LRRC7: variants seen among roughly 807,000 people sequenced by gnomAD.
LRRC7 encodes the protein leucine rich repeat containing 7.
A neutral mutation model predicts 175.7 loss-of-function variants in LRRC7; 23 were observed. That is an observed-to-expected ratio of 0.13 (90% CI 0.09 to 0.19). The LOEUF (loss-of-function observed/expected upper bound fraction) is 0.19. LRRC7 is among the 10% of genes least tolerant of loss of function. LRRC7 has a pLI of 1.00. For missense variants in LRRC7, 1,354 were observed against 1,904.7 expected, an observed-to-expected ratio of 0.71 and a Z score of 5.38; for synonymous variants, 685 against 680.9, an observed-to-expected ratio of 1.01 and a Z score of -0.09.
At chr1:69,608,730 T>G (rs932245329) in intron 1 of LRRC7, among the ~76,000 whole-genome samples, 1 of 151,120 alleles carries the variant, frequency 6.6e-6, no homozygotes, top group African/African-American at 2.4e-5. Context: ...AACTCTGACC[T>G]TAAAAATCCT....
At chr1:69,919,082 A>G (rs1156769074) in intron 7 of LRRC7, among the ~76,000 whole-genome samples, 1 of 152,158 alleles carries the variant, frequency 6.6e-6, no homozygotes, top group African/African-American at 2.4e-5. Context: ...TCAAATTTAA[A>G]CTACACTAAT....
intron 3 of LRRC7, among the ~76,000 whole-genome samples, chr1:69,786,578 G>A (rs777000092): frequency 5.9e-5 from 9 of 152,090 alleles, no homozygotes; most frequent in East Asian, 1.9e-4. Flanking sequence ...ATGGTTCTAC[G>A]TGGCTGGGGA....
intron 11 of LRRC7, among the ~76,000 whole-genome samples, chr1:70,000,799 T>G (rs2101927234): frequency 6.6e-6 from 1 of 152,340 alleles, no homozygotes; most frequent in South Asian, 2.1e-4. Context: ...CCAGTAGGTC[T>G]GGGACCTGAA....
intron 8 of LRRC7, among the ~76,000 whole-genome samples, chr1:69,950,306 G>A (rs1649786807): frequency 6.6e-6 from 1 of 151,922 alleles, no homozygotes; most frequent in South Asian, 2.1e-4. Context: ...AGAGGTCCAG[G>A]GTAAAGAAAT....
At chr1:69,759,483 G>A (rs1670801129) in intron 2 of LRRC7, among the ~76,000 whole-genome samples, 2 of 152,006 alleles carry the variant, frequency 1.3e-5, no homozygotes, top group South Asian at 4.1e-4. Context: ...TGTCAGGAGT[G>A]TCACAGGAAT....
chr1:69,899,352 T>C (rs1270425127), intron 7 of LRRC7, among the ~76,000 whole-genome samples: 1 of 152,180 alleles, frequency 6.6e-6, no homozygotes, highest in Non-Finnish European at 1.5e-5. Flanking sequence ...TCAGAGATGC[T>C]CTTACCTTTC....
chr1:69,588,553 T>C (rs1209987896), intron 1 of LRRC7, among the ~76,000 whole-genome samples: 1 of 152,136 alleles, frequency 6.6e-6, no homozygotes, highest in Admixed American at 6.5e-5. Flanking sequence ...AGCTTTGACA[T>C]TGTAAAACCT....
At chr1:69,726,749 G>A (rs1667023737) in intron 2 of LRRC7, among the ~76,000 whole-genome samples, 1 of 151,780 alleles carries the variant, frequency 6.6e-6, no homozygotes, top group Non-Finnish European at 1.5e-5. Context: ...AAATGTAAGA[G>A]GGCCAGAGTC....
chr1:69,942,017 T>C (rs965762387), intron 8 of LRRC7, among the ~76,000 whole-genome samples: 2 of 152,098 alleles, frequency 1.3e-5, no homozygotes, highest in African/African-American at 4.8e-5. Context: ...ACCTTCTTTT[T>C]CCTCCACCAC....
chr1:69,936,474 T>G (rs572022941), intron 8 of LRRC7, among the ~76,000 whole-genome samples: 2 of 152,328 alleles, frequency 1.3e-5, no homozygotes, highest in East Asian at 3.9e-4. Flanking sequence ...TTAATTAATT[T>G]GTTCCTAAGT....
intron 1 of LRRC7, among the ~76,000 whole-genome samples, chr1:69,595,417 AAAAC>A (rs1318233582): frequency 6.6e-6 from 1 of 152,152 alleles, no homozygotes; most frequent in Admixed American, 6.6e-5. Flanking sequence ...TCCATCTCAA[AAAAC>A]AAACAAAAAA....
chr1:69,671,183 C>T (rs546722778), intron 1 of LRRC7, among the ~76,000 whole-genome samples: 1 of 152,196 alleles, frequency 6.6e-6, no homozygotes, highest in Non-Finnish European at 1.5e-5. Context: ...CTGGGTATCA[C>T]TATTGGTTAT....
chr1:69,649,336 C>T (rs1655445161), intron 1 of LRRC7, among the ~76,000 whole-genome samples: 1 of 151,740 alleles, frequency 6.6e-6, no homozygotes, highest in Non-Finnish European at 1.5e-5. Flanking sequence ...TATTTTTTTC[C>T]CTCAATTTTG....
intron 8 of LRRC7, among the ~76,000 whole-genome samples, chr1:69,952,940 A>G (rs1057506093): frequency 2.0e-5 from 3 of 150,934 alleles, no homozygotes; most frequent in Non-Finnish European, 4.4e-5. Context: ...GGGCTTATAA[A>G]GAAATGTGAA....
At chr1:69,882,625 T>A (rs79806761) in intron 7 of LRRC7, among the ~76,000 whole-genome samples, 6 of 151,296 alleles carry the variant, frequency 4.0e-5, no homozygotes, top group Non-Finnish European at 7.4e-5. Context: ...TTTTTTTTTT[T>A]AATTATACTT....
rs192942637 is a variant in LRRC7 at position 69,618,254 on chromosome 1, C to G, written c.2+49613C>G. Among the ~76,000 whole-genome samples, 239 of 152,250 alleles carry G rather than the reference C, an allele frequency of 1.6e-3. 3 individuals are homozygous for G. The highest frequency in any genetic ancestry group is 1.3e-4 in the Non-Finnish European group (9 of 68,012). ...CCTTTCTTGAGGGCTACCTAATATT[C>G]ATAGCCCGCATCTGGCTCATGCAAG... On this transcript the variant is annotated intron_variant, in intron 1 of 26. Coordinates refer to ENST00000651989, the MANE Select transcript of LRRC7 (RefSeq NM_001370785.2).
intron 1 of LRRC7, among the ~76,000 whole-genome samples, chr1:69,582,664 T>C (rs1221020628): frequency 2.0e-5 from 3 of 152,194 alleles, no homozygotes; most frequent in Non-Finnish European, 2.9e-5. Flanking sequence ...TCTTTATCTA[T>C]TTCTTTGGTA....
chr1:69,774,210 A>T (rs1318409970), intron 3 of LRRC7, among the ~76,000 whole-genome samples: 1 of 152,222 alleles, frequency 6.6e-6, no homozygotes, highest in Non-Finnish European at 1.5e-5. Context: ...CAATCTTCCC[A>T]TGCTGCAGCC....
At chr1:69,681,092 G>A (rs1483310756) in intron 2 of LRRC7, among the ~76,000 whole-genome samples, 1 of 151,718 alleles carries the variant, frequency 6.6e-6, no homozygotes, top group South Asian at 2.1e-4. Context: ...ATAATGCATG[G>A]CAAAGAAGAG....
Sources: allele counts gnomAD v4.1 joint callset (sites outside exome capture counted in the v4.1 genomes callset), GRCh38; gene constraint gnomAD v4.1.1; transcripts MANE v1.5; gene names NCBI Gene and HGNC (gene_info 2026-07-23, HGNC 2026-07-21).